The following SV2C variants were observed in gnomAD, a reference collection of about 807,000 sequenced individuals.
SV2C encodes the protein synaptic vesicle glycoprotein 2C, also known as solute carrier family 22 member B3.
Under a neutral mutation model 79.7 loss-of-function variants are expected in SV2C, and 49 were observed. The observed-to-expected ratio is 0.61, with a 90% confidence interval of 0.49 to 0.78. SV2C has a LOEUF of 0.78. Ranked by LOEUF, SV2C falls within the 30% of genes least tolerant of loss-of-function variation. The probability of loss-of-function intolerance (pLI) is 0.00; values close to 1 mark genes in which losing one functional copy is unlikely to be tolerated. For missense variants in SV2C, 833 were observed against 912.9 expected, an observed-to-expected ratio of 0.91 and a Z score of 1.13; for synonymous variants, 334 against 333.2, an observed-to-expected ratio of 1.00 and a Z score of -0.03.
chr5:76,241,075 G>C (rs930871009), intron 4 of SV2C, among the ~76,000 whole-genome samples: 8 of 151,882 alleles, frequency 5.3e-5, no homozygotes, highest in Non-Finnish European at 1.0e-4. Flanking sequence ...TCCTGCCTCA[G>C]CCTCCCGAGT....
chr5:76,253,528 G>T (rs2112443040), intron 4 of SV2C, among the ~76,000 whole-genome samples: 1 of 152,214 alleles, frequency 6.6e-6, no homozygotes. Flanking sequence ...TAAAGATGCT[G>T]TTATTTGCAA....
chr5:76,279,907 G>C (rs1747130274), intron 4 of SV2C, among the ~76,000 whole-genome samples: 1 of 152,112 alleles, frequency 6.6e-6, no homozygotes, highest in Admixed American at 6.5e-5. Flanking sequence ...AGAAGGATGA[G>C]CTCCACCGCC....
At chr5:75,880,444 G>C in the SV2C span, among the ~76,000 whole-genome samples, 9 of 152,132 alleles carry the variant, frequency 5.9e-5, no homozygotes, top group Admixed American at 3.9e-4. Context: ...ATGCTTTGCT[G>C]CTTAGAAATT....
At chr5:76,316,481 A>G (rs2112552759) in intron 12 of SV2C, among the ~76,000 whole-genome samples, 1 of 152,312 alleles carries the variant, frequency 6.6e-6, no homozygotes, top group Middle Eastern at 3.4e-3. Flanking sequence ...GGTGATTCTG[A>G]TGCACCCAAG....
the SV2C span, among the ~76,000 whole-genome samples, chr5:75,972,973 T>C: frequency 6.6e-6 from 1 of 152,242 alleles, no homozygotes; most frequent in South Asian, 2.1e-4. Flanking sequence ...ATGGCACCTA[T>C]ATACCATGGA....
At chr5:76,341,809 T>C (rs895049015) in intron 12 of SV2C, among the ~76,000 whole-genome samples, 5 of 152,156 alleles carry the variant, frequency 3.3e-5, no homozygotes, top group African/African-American at 1.2e-4. Flanking sequence ...TATGAGGATA[T>C]TGGCATGTGG....
chr5:76,219,605 T>C (rs1362531542), intron 4 of SV2C, among the ~76,000 whole-genome samples: 1 of 152,194 alleles, frequency 6.6e-6, no homozygotes, highest in Non-Finnish European at 1.5e-5. Flanking sequence ...CTCTTGTCTC[T>C]CTCCCCATCC....
At chr5:76,179,555 T>C (rs570680372) in intron 2 of SV2C, among the ~76,000 whole-genome samples, 2 of 152,230 alleles carry the variant, frequency 1.3e-5, no homozygotes, top group Admixed American at 6.5e-5. Flanking sequence ...GCTTCAGTAC[T>C]GTAGGTCAGC....
the SV2C span, among the ~76,000 whole-genome samples, chr5:75,899,248 C>A: frequency 1.3e-5 from 2 of 152,112 alleles, no homozygotes; most frequent in Admixed American, 6.5e-5. Flanking sequence ...GAATGTGTCC[C>A]GGAGATTCTG....
chr5:75,858,662 T>C, the SV2C span, among the ~76,000 whole-genome samples: 15 of 152,164 alleles, frequency 9.9e-5, 1 homozygote, highest in Admixed American at 9.2e-4. Flanking sequence ...TTTGAGATGG[T>C]TTGAGTAGAA....
At chr5:75,945,490 A>ATTAT in the SV2C span, among the ~76,000 whole-genome samples, 4 of 150,970 alleles carry the variant, frequency 2.6e-5, no homozygotes, top group African/African-American at 9.7e-5. Flanking sequence ...TATTATTATT[A>ATTAT]TTTTTTTTGG....
the SV2C span, among the ~76,000 whole-genome samples, chr5:75,871,743 G>A: frequency 6.6e-6 from 1 of 151,214 alleles, no homozygotes; most frequent in Non-Finnish European, 1.5e-5. Flanking sequence ...GGGAGTCAGA[G>A]GTTGCAGTGA....
intron 4 of SV2C, among the ~76,000 whole-genome samples, chr5:76,276,779 G>A (rs1747036793): frequency 6.7e-6 from 1 of 150,054 alleles, no homozygotes; most frequent in South Asian, 2.1e-4. Flanking sequence ...ATGTTACCCA[G>A]TCTGGTCTCA....
intron 4 of SV2C, among the ~76,000 whole-genome samples, chr5:76,224,172 C>T (rs988672546): frequency 8.5e-5 from 13 of 152,170 alleles, no homozygotes; most frequent in African/African-American, 3.1e-4. Flanking sequence ...CCTTTGAAGG[C>T]ACTGGGATTT....
At chr5:75,998,101 A>C in the SV2C span, among the ~76,000 whole-genome samples, 2 of 152,082 alleles carry the variant, frequency 1.3e-5, no homozygotes, top group Non-Finnish European at 2.9e-5. Flanking sequence ...ACAAAAAACC[A>C]AACACCGCAT....
At chr5:76,172,359 C>T (rs867669121) in intron 2 of SV2C, among the ~76,000 whole-genome samples, 36 of 68,502 alleles carry the variant, frequency 5.3e-4, no homozygotes, top group African/African-American at 7.7e-4. Flanking sequence ...TCTGCCCGGC[C>T]GCCCCTACTG....
intron 2 of SV2C, 39 bp downstream of exon 2, chr5:76,132,369 GC>G: frequency 6.5e-7 from 1 of 1,548,842 alleles, no homozygotes; most frequent in Non-Finnish European, 8.8e-7. Flanking sequence ...TCTGAAACTG[GC>G]TTATTTGTTA....
chr5:76,241,901 A>T (rs988262663), intron 4 of SV2C: 5 of 652,084 alleles, frequency 7.7e-6, no homozygotes, highest in Non-Finnish European at 1.3e-5. Flanking sequence ...TGCTAACAAC[A>T]TAGCTTTAAA....
At chr5:76,182,915 G>A (rs966971964) in intron 2 of SV2C, among the ~76,000 whole-genome samples, 6 of 135,640 alleles carry the variant, frequency 4.4e-5, no homozygotes, top group Non-Finnish European at 6.3e-5. Flanking sequence ...GATTGAGAGA[G>A]AGAGTGTGTG....
Sources: gnomAD v4.1 joint callset for allele counts (sites outside exome capture counted in the v4.1 genomes callset) on GRCh38, gnomAD v4.1.1 for gene constraint, MANE v1.5 for transcripts, NCBI Gene and HGNC (gene_info 2026-07-23, HGNC 2026-07-21) for gene names.